GALNT10: variants seen among roughly 807,000 people sequenced by gnomAD.
GALNT10 encodes the protein GalNAc transferase 10.
A neutral mutation model predicts 75.0 loss-of-function variants in GALNT10; 41 were observed. The ratio of observed to expected loss-of-function variants is 0.55; its 90% CI spans 0.43 to 0.71. The LOEUF is 0.71. Among genes scored for constraint, GALNT10 ranks in the 30% least tolerant of loss-of-function variants. The pLI, the probability that GALNT10 is intolerant of heterozygous loss-of-function variation, is 0.00. For synonymous variants in GALNT10, 302 were observed against 313.0 expected, an observed-to-expected ratio of 0.96 and a Z score of 0.37; for missense variants, 727 against 818.5, an observed-to-expected ratio of 0.89 and a Z score of 1.36.
At chr5:154,276,123 G>C (rs1250764135) in intron 1 of GALNT10, among the ~76,000 whole-genome samples, 1 of 152,160 alleles carries the variant, frequency 6.6e-6, no homozygotes, top group African/African-American at 2.4e-5. Flanking sequence ...GTCTAACTAA[G>C]CTGACTAAAC....
chr5:154,347,294 T>C (rs372412199), intron 4 of GALNT10: 80 of 462,888 alleles, frequency 1.7e-4, no homozygotes, highest in African/African-American at 1.6e-3. Context: ...TCAAATTTAT[T>C]TGGATCAAGA....
intron 1 of GALNT10, among the ~76,000 whole-genome samples, chr5:154,224,830 G>C (rs951747444): frequency 1.4e-5 from 2 of 139,134 alleles, no homozygotes; most frequent in South Asian, 2.3e-4. Flanking sequence ...TCCCAGGTTA[G>C]AGTGCAGTGG....
chr5:154,327,036 T>C (rs1019103653), intron 3 of GALNT10, among the ~76,000 whole-genome samples: 2 of 152,036 alleles, frequency 1.3e-5, no homozygotes, highest in African/African-American at 4.8e-5. Flanking sequence ...GGCAACTTGG[T>C]GAAACCTTGT....
chr5:154,337,872 A>G, intron 4 of GALNT10: 1 of 1,129,106 alleles, frequency 8.9e-7, no homozygotes, highest in Non-Finnish European at 1.3e-6. Context: ...AACACTAGGT[A>G]TCTCTTGCTT....
chr5:154,404,061 G>A (rs1224678427), intron 7 of GALNT10, 43 bp from the exon 8 acceptor site: 1 of 1,482,684 alleles, frequency 6.7e-7, no homozygotes, highest in Non-Finnish European at 9.4e-7. Context: ...ATGGTGAACT[G>A]GAAGCAGAAA....
chr5:154,238,039 C>T (rs560186704), intron 1 of GALNT10, among the ~76,000 whole-genome samples: 18 of 152,188 alleles, frequency 1.2e-4, no homozygotes, highest in Non-Finnish European at 2.2e-4. Flanking sequence ...CCTGCATACC[C>T]GGCACAGTGT....
At position 154,298,228 on chromosome 5, in the gene GALNT10, G is replaced by A; in HGVS notation, c.401+149G>A. The A allele has an allele frequency of 2.7e-6, 2 of 732,776 alleles. No individual in the cohort carries two copies. Among genetic ancestry groups the A allele is most frequent in the Admixed American group, 4.6e-5 (2 of 43,304 alleles). The allele number at this position is 732,776 out of a possible 1,614,324, so 45.4% of individuals were successfully genotyped here. A position where few individuals can be genotyped will look rare whatever the true frequency, so the allele number is the denominator to read the frequency against. ...TTTGTGCAAAGGTTCATGGTGTTGA[G>A]GGGTAGGAGATAATACTGTCTCTCC... On this transcript the variant is annotated intron_variant, in intron 3 of 11. Coordinates refer to ENST00000297107, the MANE Select transcript of GALNT10 (RefSeq NM_198321.4). This position sits in a 1 kb window ranked among gnomAD's most constrained non-coding sequence, Gnocchi z 4.1.
chr5:154,392,095 C>T (rs1755906775), intron 7 of GALNT10: 1 of 152,328 alleles, frequency 6.6e-6, no homozygotes, highest in Non-Finnish European at 1.5e-5. Context: ...CTACCTTACC[C>T]AGCCAGACAA....
At chr5:154,254,146 C>T (rs1753571435) in intron 1 of GALNT10, among the ~76,000 whole-genome samples, 1 of 152,182 alleles carries the variant, frequency 6.6e-6, no homozygotes, top group South Asian at 2.1e-4. Flanking sequence ...GTGCTGGTAA[C>T]ATGGAAGCCT....
chr5:154,405,685 C>T (rs1231024851), intron 8 of GALNT10, among the ~76,000 whole-genome samples: 3 of 152,000 alleles, frequency 2.0e-5, no homozygotes, highest in Non-Finnish European at 4.4e-5. Context: ...TAAGGCTCAC[C>T]TAAAAATAAA....
At chr5:154,242,823 C>T (rs1450686526) in intron 1 of GALNT10, among the ~76,000 whole-genome samples, 2 of 152,186 alleles carry the variant, frequency 1.3e-5, no homozygotes, top group Non-Finnish European at 2.9e-5. Context: ...TTTCATTGGT[C>T]TCCTTGGAGC....
chr5:154,207,759 T>C (rs4958366), intron 1 of GALNT10, among the ~76,000 whole-genome samples: 62,205 of 151,910 alleles, frequency 0.41, 13,668 homozygotes, highest in East Asian at 0.78. Flanking sequence ...GAAAACAGCA[T>C]AGGGTGTGCA....
chr5:154,206,470 G>A (rs1775112219), intron 1 of GALNT10, among the ~76,000 whole-genome samples: 1 of 152,214 alleles, frequency 6.6e-6, no homozygotes. Flanking sequence ...CAAGTTCACG[G>A]GGATGCAGTG....
At chr5:154,371,432 G>A (rs1429777229) in intron 4 of GALNT10, among the ~76,000 whole-genome samples, 1 of 152,012 alleles carries the variant, frequency 6.6e-6, no homozygotes, top group African/African-American at 2.4e-5. Context: ...CAGTCCACCC[G>A]GTAGAACCAT....
intron 1 of GALNT10, among the ~76,000 whole-genome samples, chr5:154,202,869 G>GC (rs1775047616): frequency 6.6e-6 from 1 of 152,118 alleles, no homozygotes; most frequent in African/African-American, 2.4e-5. Flanking sequence ...TCAGCCTGGG[G>GC]TGTGCCTCTC....
At chr5:154,300,898 A>G (rs1754347425) in intron 3 of GALNT10, among the ~76,000 whole-genome samples, 1 of 152,212 alleles carries the variant, frequency 6.6e-6, no homozygotes, top group African/African-American at 2.4e-5. Context: ...CTCTGAAAGG[A>G]ACAACTAGGG....
chr5:154,415,714 T>TA (rs11321246), intron 10 of GALNT10, 69 bp from the exon 11 acceptor site: 21 of 1,412,950 alleles, frequency 1.5e-5, no homozygotes, highest in Middle Eastern at 1.8e-4. Context: ...TTCCATAATT[T>TA]AAAAAAAATG....
chr5:154,274,069 T>TA (rs1753912623), intron 1 of GALNT10, among the ~76,000 whole-genome samples: 1 of 152,238 alleles, frequency 6.6e-6, no homozygotes. Context: ...TCTAGCCCTG[T>TA]AGCCTAAGCT....
chr5:154,391,690 G>T (rs987887914), intron 7 of GALNT10, among the ~76,000 whole-genome samples: 25 of 152,344 alleles, frequency 1.6e-4, no homozygotes, highest in African/African-American at 5.8e-4. Context: ...GCAAAAACCA[G>T]AATTGATAGG....
Sources: allele counts gnomAD v4.1 joint callset (sites outside exome capture counted in the v4.1 genomes callset), GRCh38; gene constraint gnomAD v4.1.1; non-coding constraint Gnocchi (gnomAD v3.1); transcripts MANE v1.5; gene names NCBI Gene and HGNC (gene_info 2026-07-23, HGNC 2026-07-21).